The following ADAM23 variants were observed in gnomAD, a reference collection of about 807,000 sequenced individuals.
ADAM23 encodes the protein ADAM metallopeptidase domain 23, also known as disintegrin and metalloproteinase domain-containing protein 23.
In ADAM23, 33 loss-of-function variants were observed where a neutral mutation model predicts 120.1. The observed-to-expected ratio is 0.27, with a 90% CI of 0.21 to 0.37. ADAM23 has a LOEUF of 0.37. Among genes scored for constraint, ADAM23 ranks in the 10% least tolerant of loss-of-function variants. The probability of loss-of-function intolerance (pLI) is 1.00; values close to 1 mark genes in which losing one functional copy is unlikely to be tolerated. For synonymous variants in ADAM23, 367 were observed against 375.2 expected (o/e 0.98, Z 0.25); for missense variants, 862 against 1,058.2 (o/e 0.81, Z 2.57).
chr2:206,497,162 A>T (rs986316615), intron 3 of ADAM23, among the ~76,000 whole-genome samples: 3 of 152,248 alleles, frequency 2.0e-5, no homozygotes, highest in African/African-American at 7.2e-5. Flanking sequence ...TGAGGCCAGC[A>T]TCATCCTGAT....
At chr2:206,464,494 G>C (rs1695498468) in intron 2 of ADAM23, among the ~76,000 whole-genome samples, 1 of 151,886 alleles carries the variant, frequency 6.6e-6, no homozygotes. Context: ...ATAATCACTT[G>C]AACCCAGGAG....
At chr2:206,609,724 A>G in intron 24 of ADAM23, 186 bp from the exon 25 acceptor site, 1 of 534,360 alleles carries the variant, frequency 1.9e-6, no homozygotes, top group Non-Finnish European at 3.2e-6. Flanking sequence ...TTAAAGGCAT[A>G]TAAATCCAAG....
chr2:206,519,286 C>G (rs1208885705), intron 3 of ADAM23, among the ~76,000 whole-genome samples: 1 of 152,146 alleles, frequency 6.6e-6, no homozygotes, highest in Non-Finnish European at 1.5e-5. Flanking sequence ...CTACAAATGA[C>G]TGATAGTTTT....
chr2:206,445,433 C>T lies in ADAM23; in HGVS notation c.341C>T (p.Pro114Leu). 6.2e-7 allele frequency: 1 copy of T among 1,614,124 alleles called. No individual in the cohort carries two copies. The highest frequency in any genetic ancestry group is 8.5e-7 in the Non-Finnish European group (1 of 1,179,988). ...SNAMQKEITL[P>L]SRLIYYINQD... ...GCAATGCAGAAAGAAATCACACTGC[C>T]TTCAAGACTCATATATTACATCAAC... Residue 114 changes from proline (P) to leucine (L), a missense_variant, in exon 2 of 26, where the codon CCT becomes CTT. Physicochemically the swap from Pro to Leu is moderately conservative, Grantham distance 98 (BLOSUM62 -3). Around this residue, in one of 4 missense-constraint regions of ADAM23, gnomAD observed 225 missense variants for 204.0 expected, o/e 1.10. Transcript: ENST00000264377.
intron 2 of ADAM23, among the ~76,000 whole-genome samples, chr2:206,465,242 G>A (rs774673434): frequency 2.5e-4 from 38 of 152,000 alleles, no homozygotes; most frequent in South Asian, 4.1e-4. Flanking sequence ...GTCTTACTGC[G>A]TTGACCAGCC....
chr2:206,495,808 C>T (rs1696232811), intron 3 of ADAM23, among the ~76,000 whole-genome samples: 1 of 152,096 alleles, frequency 6.6e-6, no homozygotes, highest in Non-Finnish European at 1.5e-5. Context: ...GGAGGAAGAT[C>T]TACCAAGCCA....
chr2:206,506,788 A>G (rs1182951523), intron 3 of ADAM23, among the ~76,000 whole-genome samples: 1 of 152,176 alleles, frequency 6.6e-6, no homozygotes, highest in East Asian at 1.9e-4. Context: ...TCACAAAACA[A>G]TCTAATTCTT....
chr2:206,566,771 T>C (rs1377869228), intron 14 of ADAM23, among the ~76,000 whole-genome samples: 1 of 152,074 alleles, frequency 6.6e-6, no homozygotes, highest in Non-Finnish European at 1.5e-5. Flanking sequence ...ATATAGTCTT[T>C]AATATACTGG....
rs1353698098 is a variant in ADAM23, at chr2:206,620,523, G to A, written c.*2896G>A. 2.0e-5 allele frequency: 3 copies of A among 152,082 alleles called. No homozygotes were observed. The highest frequency in any genetic ancestry group is 3.8e-4 in the East Asian group (2 of 5,200). 9.4% of individuals were successfully genotyped at this position (152,082 alleles called of 1,614,324 possible). A position where few individuals can be genotyped will look rare whatever the true frequency, so the allele number is the denominator to read the frequency against. ...CCATTCATTTGCTAATTTTTGTGGC[G>A]TGGAGATTCTTTTTTATTAATTTGA... On this transcript the variant is annotated 3_prime_UTR_variant, in exon 26 of 26. Coordinates refer to ENST00000264377, the MANE Select transcript of ADAM23 (RefSeq NM_003812.4).
intron 9 of ADAM23, among the ~76,000 whole-genome samples, chr2:206,552,411 TA>T (rs1697547746): frequency 6.6e-6 from 1 of 152,198 alleles, no homozygotes; most frequent in African/African-American, 2.4e-5. Context: ...TAAACAGTTA[TA>T]GTTTTTTGGT....
chr2:206,445,243 G>T (rs1439768058), intron 1 of ADAM23, 64 bp from the exon 2 acceptor site: 10 of 1,182,252 alleles, frequency 8.5e-6, no homozygotes, highest in Admixed American at 3.7e-5. Flanking sequence ...TATTTATGGG[G>T]TAAATATGTG....
chr2:206,465,835 G>A (rs914978611), intron 2 of ADAM23, among the ~76,000 whole-genome samples: 3 of 152,142 alleles, frequency 2.0e-5, no homozygotes, highest in Non-Finnish European at 2.9e-5. Context: ...TAGGAATGAA[G>A]TGATTTATAT....
chr2:206,550,599 C>CTTTT (rs67340305), intron 9 of ADAM23, among the ~76,000 whole-genome samples: 1 of 137,290 alleles, frequency 7.3e-6, no homozygotes, highest in Non-Finnish European at 1.6e-5. Context: ...GACTTATCGT[C>CTTTT]TTTTTTTTTT....
At chr2:206,501,197 A>T (rs943384675) in intron 3 of ADAM23, among the ~76,000 whole-genome samples, 6 of 152,166 alleles carry the variant, frequency 3.9e-5, no homozygotes, top group Non-Finnish European at 7.3e-5. Context: ...GAGGTTAGAT[A>T]AATCTTTAAA....
intron 9 of ADAM23, among the ~76,000 whole-genome samples, chr2:206,551,122 CA>C (rs1334854806): frequency 6.6e-6 from 1 of 152,176 alleles, no homozygotes; most frequent in Non-Finnish European, 1.5e-5. Context: ...GAGTCTTGGT[CA>C]GTAGGCTATA....
chr2:206,550,001 C>G (rs1437586304), intron 8 of ADAM23, 94 bp from the exon 9 acceptor site: 1 of 692,850 alleles, frequency 1.4e-6, no homozygotes, highest in Non-Finnish European at 2.2e-6. Flanking sequence ...GAGAGTTGTT[C>G]TGAAATTCAA....
intron 2 of ADAM23, among the ~76,000 whole-genome samples, chr2:206,479,362 T>A (rs534452108): frequency 6.6e-6 from 1 of 152,318 alleles, no homozygotes; most frequent in East Asian, 1.9e-4. Context: ...TTTATAAAGA[T>A]GTTCAAGGAG....
At chr2:206,485,575 A>T (rs2105881320) in intron 3 of ADAM23, among the ~76,000 whole-genome samples, 1 of 151,200 alleles carries the variant, frequency 6.6e-6, no homozygotes, top group Admixed American at 6.5e-5. Flanking sequence ...AGTTCCTGAG[A>T]GGAGAGCCTG....
At chr2:206,613,430 T>C (rs996244291) in intron 25 of ADAM23, among the ~76,000 whole-genome samples, 1 of 152,204 alleles carries the variant, frequency 6.6e-6, no homozygotes, top group Non-Finnish European at 1.5e-5. Flanking sequence ...GTCCCAGGTA[T>C]TGAGGGTCTT....
Sources: allele counts gnomAD v4.1 joint callset (sites outside exome capture counted in the v4.1 genomes callset), GRCh38; gene constraint gnomAD v4.1.1; regional missense constraint gnomAD v4.1.1; transcripts MANE v1.5; gene names NCBI Gene and HGNC (gene_info 2026-07-23, HGNC 2026-07-21).